KAT2B: variants seen among roughly 807,000 people sequenced by gnomAD.
KAT2B encodes histone acetyltransferase KAT2B.
KAT2B carries 36 observed loss-of-function variants against 105.9 expected under a neutral mutation model. The ratio of observed to expected loss-of-function variants is 0.34; its 90% CI spans 0.26 to 0.45. The LOEUF (loss-of-function observed/expected upper bound fraction) is 0.45, where lower values mean the gene tolerates loss of function less well. Ranked by LOEUF, KAT2B falls within the 20% of genes least tolerant of loss-of-function variation. The pLI is 1.00. For missense variants in KAT2B, 820 were observed against 1,021.6 expected (o/e 0.80, Z 2.69); for synonymous variants, 397 against 377.9 (o/e 1.05, Z -0.59).
Position 20,127,453 on chromosome 3 carries a change from T to C in KAT2B, c.1653T>C (p.Asp551=), listed in dbSNP as rs375898348. The change falls in exon 11 of 18, where the codon GAT becomes GAC. Residue 551 remains aspartate (D), a synonymous_variant. Transcript: ENST00000263754. ...ACAAAACCCTTGCTTTAATTAAAGA[T>C]GGCCGTGTTATTGGTGGTATCTGTT... ...PKHKTLALIK[D]GRVIGGICFR... 5.6e-6 allele frequency: 9 copies of C among 1,613,196 alleles called. No homozygotes were observed. The highest frequency in any genetic ancestry group is 7.6e-6 in the Non-Finnish European group (9 of 1,179,202).
At chr3:20,126,261 A>T (rs1699401945) in intron 10 of KAT2B, 148 bp downstream of exon 10, 1 of 672,812 alleles carries the variant, frequency 1.5e-6, no homozygotes, top group South Asian at 1.9e-5. Context: ...GCTGATTTTC[A>T]TGTCTGAAAG....
Position 20,152,409 on chromosome 3 carries a change from G to A in KAT2B, c.2383G>A (p.Val795Ile). The A allele has an allele frequency of 6.2e-7, 1 of 1,613,068 alleles. No homozygotes were observed. The highest frequency in any genetic ancestry group is 8.5e-7 in the Non-Finnish European group (1 of 1,179,204). ...ATTATTCATGGCAGACTTACAGCGA[G>A]TCTTTACCAATTGCAAAGAGTACAA... is the stretch of plus-strand genomic sequence containing the variant. ...KKLFMADLQR[V>I]FTNCKEYNPP... Residue 795 changes from valine to isoleucine, a missense_variant, in exon 18 of 18, where the codon GTC becomes ATC. By Grantham distance (29) the Val-to-Ile change is conservative. Coordinates refer to ENST00000263754, the MANE Select transcript of KAT2B (RefSeq NM_003884.5).
chr3:20,149,369 G>A (rs3762635), intron 17 of KAT2B, among the ~76,000 whole-genome samples: 5,159 of 151,606 alleles, frequency 0.034, 221 homozygotes, highest in East Asian at 0.2. Flanking sequence ...AGTGGCACAC[G>A]CCTGAGGCCC....
At chr3:20,044,809 A>G (rs977990380) in intron 1 of KAT2B, among the ~76,000 whole-genome samples, 1 of 152,198 alleles carries the variant, frequency 6.6e-6, no homozygotes, top group Non-Finnish European at 1.5e-5. Flanking sequence ...TGATTATTTG[A>G]TGTGCATTTA....
intron 13 of KAT2B, among the ~76,000 whole-genome samples, chr3:20,140,733 C>G (rs527895171): frequency 2.0e-4 from 30 of 152,218 alleles, no homozygotes; most frequent in Non-Finnish European, 3.5e-4. Context: ...CTCAAGTGAT[C>G]CACCTGCCTC....
rs1435037291 is a variant in KAT2B, at chr3:20,040,512, G to GCGGGGCAGGAGC, written c.45_56dup (p.Ala18_Gly21dup). 60 of 1,028,812 alleles carry GCGGGGCAGGAGC rather than the reference G, an allele frequency of 5.8e-5. No individual in the cohort carries two copies. The Admixed American group carries it at 1.4e-3, about 25-fold the overall frequency. The allele number at this position is 1,028,812 out of a possible 1,614,324, so 63.7% of individuals were successfully genotyped here. A position where few individuals can be genotyped will look rare whatever the true frequency, so the allele number is the denominator to read the frequency against. ...GCTGGCGGGGCCGGGCCGGGCGGCT[G>GCGGGGCAGGAGC]CGGGGCAGGAGCCGGGGCAGGGGCC... On this transcript the variant is annotated inframe_insertion, in exon 1 of 18. Transcript: ENST00000263754.
intron 1 of KAT2B, among the ~76,000 whole-genome samples, chr3:20,061,481 T>C (rs1223578565): frequency 6.6e-6 from 1 of 152,174 alleles, no homozygotes; most frequent in African/African-American, 2.4e-5. Context: ...TCAATTCTTT[T>C]GGGTATATAC....
chr3:20,075,745 C>A (rs574963221), intron 2 of KAT2B, among the ~76,000 whole-genome samples: 7 of 151,950 alleles, frequency 4.6e-5, no homozygotes, highest in Admixed American at 2.0e-4. Context: ...GGTGCACGAC[C>A]CCCCAGGCAC....
chr3:20,147,889 T>G, intron 14 of KAT2B, 74 bp from the exon 15 acceptor site: 1 of 1,403,446 alleles, frequency 7.1e-7, no homozygotes, highest in Non-Finnish European at 9.8e-7. Context: ...TTCTTGTTTT[T>G]GATAAGTATT....
At chr3:20,074,568 C>G (rs531111517) in intron 2 of KAT2B, among the ~76,000 whole-genome samples, 4 of 152,164 alleles carry the variant, frequency 2.6e-5, no homozygotes, top group African/African-American at 9.7e-5. Flanking sequence ...GGTACTATAA[C>G]ACTATCAGGG....
chr3:20,049,001 A>C (rs967838081), intron 1 of KAT2B, among the ~76,000 whole-genome samples: 1 of 152,086 alleles, frequency 6.6e-6, no homozygotes, highest in East Asian at 1.9e-4. Flanking sequence ...AGTTGAGACT[A>C]CAGGCCCCCG....
intron 4 of KAT2B, among the ~76,000 whole-genome samples, chr3:20,100,509 C>T (rs1215242581): frequency 1.3e-5 from 2 of 152,118 alleles, no homozygotes; most frequent in East Asian, 3.9e-4. Flanking sequence ...CTCTCATTAG[C>T]ATCACTTTTT....
At chr3:20,089,411 T>C (rs1386980221) in intron 2 of KAT2B, among the ~76,000 whole-genome samples, 4 of 150,798 alleles carry the variant, frequency 2.7e-5, no homozygotes, top group Non-Finnish European at 5.9e-5. Flanking sequence ...TTTTTTTTTT[T>C]TTTTTTTGAG....
At chr3:20,076,112 A>C (rs914096809) in intron 2 of KAT2B, among the ~76,000 whole-genome samples, 1 of 152,038 alleles carries the variant, frequency 6.6e-6, no homozygotes, top group African/African-American at 2.4e-5. Flanking sequence ...TATGATCGAA[A>C]GGGGCTCATG....
chr3:20,105,165 C>T (rs1698978402), intron 5 of KAT2B, among the ~76,000 whole-genome samples: 1 of 152,220 alleles, frequency 6.6e-6, no homozygotes, highest in Non-Finnish European at 1.5e-5. Context: ...GGATTAAAGG[C>T]GTGAGCCACC....
intron 1 of KAT2B, among the ~76,000 whole-genome samples, chr3:20,052,614 G>C (rs1001290449): frequency 1.3e-5 from 2 of 151,624 alleles, no homozygotes; most frequent in African/African-American, 4.8e-5. Flanking sequence ...GGCTGAGTTG[G>C]TGATCCAGCC....
chr3:20,108,286 C>A (rs1699058714), intron 5 of KAT2B, among the ~76,000 whole-genome samples: 1 of 146,264 alleles, frequency 6.8e-6, no homozygotes, highest in Non-Finnish European at 1.5e-5. Context: ...TAAACTCAGT[C>A]ATACTAGCCA....
At chr3:20,086,793 G>T (rs1240555369) in intron 2 of KAT2B, among the ~76,000 whole-genome samples, 1 of 148,144 alleles carries the variant, frequency 6.8e-6, no homozygotes. Context: ...AAAACAAATA[G>T]ATTTTTTTTT....
At chr3:20,145,898 G>A (rs1031653030) in intron 13 of KAT2B, among the ~76,000 whole-genome samples, 2 of 152,094 alleles carry the variant, frequency 1.3e-5, no homozygotes, top group African/African-American at 4.8e-5. Context: ...TCTCTAGTCC[G>A]AAGGGAACAG....
Sources: gnomAD v4.1 joint callset for allele counts (sites outside exome capture counted in the v4.1 genomes callset) on GRCh38, gnomAD v4.1.1 for gene constraint, MANE v1.5 for transcripts, NCBI Gene and HGNC (gene_info 2026-07-23, HGNC 2026-07-21) for gene names.